The following COL21A1 variants were observed in gnomAD, a reference collection of about 807,000 sequenced individuals.
COL21A1 encodes the protein collagen alpha-1(XXI) chain.
In COL21A1, 149 loss-of-function variants were observed where a neutral mutation model predicts 137.9. The observed-to-expected ratio is 1.08, with a 90% CI of 0.95 to 1.24. The LOEUF is 1.24. Among genes scored for constraint, COL21A1 ranks in the 50% most tolerant of loss-of-function variants. The probability of loss-of-function intolerance (pLI) is 0.00; values close to 1 mark genes in which losing one functional copy is unlikely to be tolerated. For synonymous variants in COL21A1, 456 were observed against 391.5 expected (o/e 1.16, Z -1.95); for missense variants, 1,167 against 1,158.4 (o/e 1.01, Z -0.11).
chr6:56,209,937 T>C (rs979528697), intron 1 of COL21A1, among the ~76,000 whole-genome samples: 3 of 152,166 alleles, frequency 2.0e-5, no homozygotes, highest in African/African-American at 7.2e-5. Context: ...CATGGAATAC[T>C]ATACAGCCAT....
At chr6:56,267,947 A>G (rs1303965094) in intron 1 of COL21A1, among the ~76,000 whole-genome samples, 2 of 152,154 alleles carry the variant, frequency 1.3e-5, no homozygotes, top group East Asian at 3.9e-4. Flanking sequence ...TCCACTGCCC[A>G]GCCTTTGTGC....
intron 17 of COL21A1, among the ~76,000 whole-genome samples, chr6:56,100,473 T>A (rs1266960827): frequency 1.3e-5 from 2 of 152,160 alleles, no homozygotes; most frequent in African/African-American, 4.8e-5. Flanking sequence ...GAGAAAAATA[T>A]TCAGGGATGT....
chr6:56,256,375 A>G (rs1478655469), intron 1 of COL21A1, among the ~76,000 whole-genome samples: 1 of 152,192 alleles, frequency 6.6e-6, no homozygotes, highest in African/African-American at 2.4e-5. Context: ...TTCCTTTCAA[A>G]TCCTAACAGA....
intron 1 of COL21A1, among the ~76,000 whole-genome samples, chr6:56,190,116 G>A (rs560330614): frequency 2.6e-5 from 4 of 152,178 alleles, no homozygotes; most frequent in East Asian, 3.9e-4. Context: ...AGGAAATAGA[G>A]ACACAAAAAA....
At position 56,074,279 on chromosome 6, in the gene COL21A1, T is replaced by C; in HGVS notation, c.1918A>G (p.Met640Val). ...KKGAPGMPGL[M>V]GSNGSPGQPG... ...TGGCCTGGTGAGCCATTGCTTCCCA[T>C]TAAACCCTACAATTTTAAAAAGGAA... is the stretch of plus-strand genomic sequence containing the variant. The change falls in exon 20 of 30, where the codon ATG becomes GTG. Residue 640 changes from methionine to valine, a missense_variant. Physicochemically the swap from Met to Val is conservative, Grantham distance 21. Coordinates refer to ENST00000244728, the MANE Select transcript of COL21A1 (RefSeq NM_030820.4). The C allele has an allele frequency of 6.3e-7, 1 of 1,585,620 alleles. No individual in the cohort carries two copies. The highest frequency in any genetic ancestry group is 1.4e-5 in the African/African-American group (1 of 73,400).
At chr6:56,079,798 C>T (rs1481433328) in intron 17 of COL21A1, among the ~76,000 whole-genome samples, 2 of 151,584 alleles carry the variant, frequency 1.3e-5, no homozygotes, top group Non-Finnish European at 3.0e-5. Context: ...CCATGAAGTC[C>T]TAATGGATCT....
At chr6:56,099,685 TAC>T (rs1022803707) in intron 17 of COL21A1, among the ~76,000 whole-genome samples, 2 of 151,696 alleles carry the variant, frequency 1.3e-5, no homozygotes, top group African/African-American at 2.4e-5. Context: ...CACACCCACA[TAC>T]ACACACACAC....
chr6:56,092,583 A>G (rs1206605097), intron 17 of COL21A1, among the ~76,000 whole-genome samples: 1 of 152,206 alleles, frequency 6.6e-6, no homozygotes, highest in Non-Finnish European at 1.5e-5. Context: ...TATTGACTGA[A>G]GAGTCTTGCT....
intron 5 of COL21A1, among the ~76,000 whole-genome samples, chr6:56,170,222 T>C (rs1776925095): frequency 1.3e-5 from 2 of 151,880 alleles, no homozygotes; most frequent in African/African-American, 4.8e-5. Context: ...AAATATCCTG[T>C]AGAACATGGC....
At chr6:56,357,233 A>G (rs1248562272) in intron 1 of COL21A1, among the ~76,000 whole-genome samples, 1 of 152,218 alleles carries the variant, frequency 6.6e-6, no homozygotes, top group African/African-American at 2.4e-5. Flanking sequence ...ACAAGGTTAT[A>G]ATGGAAATTA....
At chr6:56,129,163 T>C (rs993081254) in intron 12 of COL21A1, among the ~76,000 whole-genome samples, 3 of 152,220 alleles carry the variant, frequency 2.0e-5, no homozygotes, top group Non-Finnish European at 4.4e-5. Flanking sequence ...AGCTCTGCTT[T>C]CACCTCCACT....
chr6:56,351,944 G>T (rs1170593517), intron 1 of COL21A1, among the ~76,000 whole-genome samples: 1 of 151,956 alleles, frequency 6.6e-6, no homozygotes, highest in Admixed American at 6.6e-5. Context: ...TAAAAGATAG[G>T]GGGACCAAAA....
chr6:56,086,014 T>C (rs10807508), intron 17 of COL21A1, among the ~76,000 whole-genome samples: 22,595 of 149,828 alleles, frequency 0.15, 1,735 homozygotes, highest in Middle Eastern at 0.23. Context: ...TATATATAAG[T>C]GAGACTCTCC....
Position 56,115,849 on chromosome 6 carries a change from G to A in COL21A1, c.1758+8213C>T, listed in dbSNP as rs528662491. 5.4e-4 allele frequency among the ~76,000 whole-genome samples: 82 copies of A among 152,124 alleles called. 2 individuals carry two copies. The South Asian group carries it at 0.016, about 30-fold the overall frequency. On this transcript the variant is annotated intron_variant, in intron 16 of 29. Coordinates refer to ENST00000244728, the MANE Select transcript of COL21A1 (RefSeq NM_030820.4). The stretch of plus-strand genomic sequence containing the variant: ...ATTGAAATAATTACAAAGAAACAAA[G>A]CAGAAATTCTGGAGCTGAAAAATGC...
intron 1 of COL21A1, among the ~76,000 whole-genome samples, chr6:56,348,733 C>T (rs1420681960): frequency 6.6e-6 from 1 of 152,200 alleles, no homozygotes; most frequent in Non-Finnish European, 1.5e-5. Context: ...TGGGGCCAGC[C>T]TCTCTCAGAA....
At chr6:56,098,666 A>AAATATATATAT (rs1770086076) in intron 17 of COL21A1, among the ~76,000 whole-genome samples, 1 of 15,264 alleles carries the variant, frequency 6.6e-5, no homozygotes, top group Non-Finnish European at 1.1e-4. Context: ...AATATATATA[A>AAATATATATAT]ATATATATAT....
At chr6:56,058,949 T>G (rs1451842866) in intron 29 of COL21A1, among the ~76,000 whole-genome samples, 4 of 152,182 alleles carry the variant, frequency 2.6e-5, no homozygotes, top group Admixed American at 6.5e-5. Flanking sequence ...GATATTAAAC[T>G]ATCTAAATGA....
At chr6:56,099,519 AGCCACTGCACCCAGCC>A (rs1218487686) in intron 17 of COL21A1, among the ~76,000 whole-genome samples, 2 of 152,034 alleles carry the variant, frequency 1.3e-5, no homozygotes, top group Non-Finnish European at 2.9e-5. Context: ...TACAAGCGTG[AGCCACTGCACCCAGCC>A]TTCACATCCT....
At chr6:56,127,993 C>T (rs79938177) in intron 12 of COL21A1, among the ~76,000 whole-genome samples, 3,233 of 152,218 alleles carry the variant, frequency 0.021, 69 homozygotes, top group African/African-American at 0.051. Flanking sequence ...CCCATCCATA[C>T]GTCACATAAA....
Sources: allele counts gnomAD v4.1 joint callset (sites outside exome capture counted in the v4.1 genomes callset), GRCh38; gene constraint gnomAD v4.1.1; transcripts MANE v1.5; gene names NCBI Gene and HGNC (gene_info 2026-07-23, HGNC 2026-07-21).